The following DPH6 variants were observed in gnomAD, a reference collection of about 807,000 sequenced individuals.
The protein encoded by DPH6 is diphthamine biosynthesis 6, also known as diphthine--ammonia ligase.
A neutral mutation model predicts 38.2 loss-of-function variants in DPH6; 33 were observed. The observed-to-expected ratio is 0.86, with a 90% CI of 0.65 to 1.15. DPH6 has a LOEUF of 1.15. DPH6 is among the 50% of genes most tolerant of loss of function. DPH6 has a pLI of 0.00. For synonymous variants in DPH6, 108 were observed against 103.0 expected, an observed-to-expected ratio of 1.05 and a Z score of -0.30; for missense variants, 325 against 320.0, an observed-to-expected ratio of 1.02 and a Z score of -0.12.
At chr15:35,461,134 G>A (rs1466519885) in intron 3 of DPH6, among the ~76,000 whole-genome samples, 1 of 152,102 alleles carries the variant, frequency 6.6e-6, no homozygotes, top group Non-Finnish European at 1.5e-5. Flanking sequence ...GCCCAGGCTG[G>A]AATGCAGTGG....
chr15:35,356,576 CA>C (rs1315228548), intron 3 of DPH6, among the ~76,000 whole-genome samples: 2 of 152,210 alleles, frequency 1.3e-5, no homozygotes, highest in Non-Finnish European at 2.9e-5. Context: ...TGGGTATCAG[CA>C]GTGGAGCCTG....
the DPH6 span, among the ~76,000 whole-genome samples, chr15:35,176,031 A>G: frequency 6.6e-6 from 1 of 152,234 alleles, no homozygotes; most frequent in African/African-American, 2.4e-5. Flanking sequence ...CATGCCTTCA[A>G]CTGGCATTTC....
At chr15:35,384,695 C>A (rs2052922897) in intron 6 of DPH6, among the ~76,000 whole-genome samples, 1 of 152,102 alleles carries the variant, frequency 6.6e-6, no homozygotes, top group East Asian at 1.9e-4. Flanking sequence ...AAAAATCACC[C>A]CTCATTGAGA....
the DPH6 span, among the ~76,000 whole-genome samples, chr15:35,159,923 A>G: frequency 1.5e-4 from 23 of 152,204 alleles, no homozygotes; most frequent in Admixed American, 1.3e-3. Flanking sequence ...GCTGGAGGCC[A>G]TTATCCTAAG....
intron 6 of DPH6, among the ~76,000 whole-genome samples, chr15:35,410,255 C>T (rs563415897): frequency 2.6e-5 from 4 of 151,708 alleles, no homozygotes; most frequent in Admixed American, 6.6e-5. Context: ...TGATGCATTG[C>T]CAGACTAAAC....
intron 3 of DPH6, among the ~76,000 whole-genome samples, chr15:35,360,746 A>C (rs982586940): frequency 6.6e-6 from 1 of 151,712 alleles, no homozygotes; most frequent in Admixed American, 6.6e-5. Flanking sequence ...TCTCTGGGCT[A>C]TGGTAGATTG....
chr15:35,275,920 T>C (rs2051855345), intron 3 of DPH6, among the ~76,000 whole-genome samples: 2 of 152,126 alleles, frequency 1.3e-5, no homozygotes, highest in African/African-American at 2.4e-5. Context: ...CGTGTACAAG[T>C]ATCTTTTTTG....
intron 5 of DPH6, among the ~76,000 whole-genome samples, chr15:35,439,405 T>C (rs2053758013): frequency 6.6e-6 from 1 of 152,252 alleles, no homozygotes; most frequent in African/African-American, 2.4e-5. Flanking sequence ...GCTTCTCTAG[T>C]ATTTGGACAC....
downstream of DPH6, among the ~76,000 whole-genome samples, chr15:35,327,593 C>T (rs1046769026): frequency 6.6e-6 from 1 of 152,090 alleles, no homozygotes; most frequent in Non-Finnish European, 1.5e-5. Context: ...GATCTGCCCA[C>T]CTCGGCCTCC....
At chr15:35,506,745 G>A (rs1471735487) in intron 3 of DPH6, among the ~76,000 whole-genome samples, 1 of 152,158 alleles carries the variant, frequency 6.6e-6, no homozygotes, top group Non-Finnish European at 1.5e-5. Flanking sequence ...AACCAATTAT[G>A]AGCCAGTCAC....
At chr15:35,405,778 T>A (rs2053284062) in intron 6 of DPH6, among the ~76,000 whole-genome samples, 1 of 152,120 alleles carries the variant, frequency 6.6e-6, no homozygotes, top group Non-Finnish European at 1.5e-5. Flanking sequence ...ATGTTCCAGA[T>A]CTAAGAGGAA....
At chr15:35,490,174 T>G in intron 3 of DPH6, 1 of 985,326 alleles carries the variant, frequency 1.0e-6, no homozygotes, top group South Asian at 4.7e-5. Context: ...AGTCTGAGAT[T>G]CCTGTGGCTC....
At chr15:35,246,530 A>G (rs1312286343) in intron 3 of DPH6, among the ~76,000 whole-genome samples, 1 of 152,158 alleles carries the variant, frequency 6.6e-6, no homozygotes, top group Admixed American at 6.5e-5. Context: ...GAGCAATGGG[A>G]TTAGCGCCAG....
Position 35,450,717 on chromosome 15 carries a change from A to G in DPH6, c.473T>C (p.Ile158Thr), listed in dbSNP as rs1174161687. ...TGCTACTTTGATGATCATTGCTTGAATGTTAGATGATATCATCTCTCTGAG... is the reference window on the plus strand; with the variant it reads ...TGCTACTTTGATGATCATTGCTTGAGTGTTAGATGATATCATCTCTCTGAG... ...DLLREMISSNIQAMIIKVAAL... is the reference protein window; with the variant it reads ...DLLREMISSNTQAMIIKVAAL... Residue 158 changes from isoleucine to threonine, a missense_variant, in exon 5 of 9, where the codon ATT becomes ACT. Ile to Thr is a moderately conservative substitution (Grantham distance 89, BLOSUM62 -1). Transcript: ENST00000256538. 3 of 1,613,232 alleles carry G rather than the reference A, an allele frequency of 1.9e-6. No homozygotes were observed. The highest frequency in any genetic ancestry group is 1.3e-5 in the African/African-American group (1 of 74,878).
intron 3 of DPH6, among the ~76,000 whole-genome samples, chr15:35,263,719 CT>C (rs771822892): frequency 8.1e-5 from 12 of 147,522 alleles, no homozygotes; most frequent in Non-Finnish European, 1.4e-4. Flanking sequence ...TTTATAATTT[CT>C]TTTTTTTTTG....
At chr15:35,518,098 C>G (rs760413124) in intron 3 of DPH6, among the ~76,000 whole-genome samples, 1 of 151,994 alleles carries the variant, frequency 6.6e-6, no homozygotes, top group Non-Finnish European at 1.5e-5. Flanking sequence ...TCAAAGAATT[C>G]TGTATTCAGC....
chr15:35,289,450 G>A (rs2051964803), intron 3 of DPH6, among the ~76,000 whole-genome samples: 1 of 152,278 alleles, frequency 6.6e-6, no homozygotes, highest in East Asian at 1.9e-4. Flanking sequence ...GCACCGAAGA[G>A]CTTCTGTGAT....
chr15:35,514,856 A>C (rs1170762608), intron 3 of DPH6, among the ~76,000 whole-genome samples: 1 of 152,204 alleles, frequency 6.6e-6, no homozygotes, highest in Non-Finnish European at 1.5e-5. Context: ...CTTCAAAAAG[A>C]CAGCATTTTT....
the DPH6 span, among the ~76,000 whole-genome samples, chr15:35,167,469 G>A: frequency 2.5e-4 from 38 of 150,820 alleles, no homozygotes; most frequent in African/African-American, 8.8e-4. Flanking sequence ...AAAAAGAACC[G>A]CATTCATAGA....
Sources: allele counts gnomAD v4.1 joint callset (sites outside exome capture counted in the v4.1 genomes callset), GRCh38; gene constraint gnomAD v4.1.1; transcripts MANE v1.5; gene names NCBI Gene and HGNC (gene_info 2026-07-23, HGNC 2026-07-21).